The following TBC1D2 variants were observed in gnomAD, a reference collection of about 807,000 sequenced individuals.
The protein encoded by TBC1D2 is TBC1 domain family member 2.
In TBC1D2, 58 loss-of-function variants were observed where a neutral mutation model predicts 91.1. The ratio of observed to expected loss-of-function variants is 0.64; its 90% CI spans 0.52 to 0.79. TBC1D2 has a LOEUF of 0.79. Ranked by LOEUF, TBC1D2 falls within the 30% of genes least tolerant of loss-of-function variation. The probability of loss-of-function intolerance (pLI) is 0.00; values close to 1 mark genes in which losing one functional copy is unlikely to be tolerated. For missense variants in TBC1D2, 1,080 were observed against 1,208.3 expected, an observed-to-expected ratio of 0.89 and a Z score of 1.57; for synonymous variants, 482 against 511.5, an observed-to-expected ratio of 0.94 and a Z score of 0.78.
In TBC1D2 at chr9:98,212,588, G is replaced by A. The variant is rs879927691; in HGVS notation, c.1485+520C>T. ...GCAATCTCGGCTCACTGCAAGCTCC[G>A]CCTCCCAGGTTCACGCCATTCTCCT... On this transcript the variant is annotated intron_variant, in intron 7 of 12. Coordinates refer to ENST00000465784, the MANE Select transcript of TBC1D2 (RefSeq NM_001267571.2). 6.3e-4 allele frequency among the ~76,000 whole-genome samples: 96 copies of A among 151,496 alleles called. 1 individual carries two copies. The highest frequency in any genetic ancestry group is 6.8e-3 in the Middle Eastern group (2 of 294).
intron 2 of TBC1D2, among the ~76,000 whole-genome samples, chr9:98,247,363 A>C (rs1017320415): frequency 1.2e-4 from 11 of 94,208 alleles, no homozygotes; most frequent in Admixed American, 9.9e-4. Flanking sequence ...ACAAACAAAC[A>C]AAAAAAAAAA....
At chr9:98,246,888 G>C (rs1034955684) in intron 2 of TBC1D2, among the ~76,000 whole-genome samples, 1 of 152,114 alleles carries the variant, frequency 6.6e-6, no homozygotes, top group Admixed American at 6.6e-5. Flanking sequence ...GTAAGTGGTT[G>C]GATCTCATCA....
intron 3 of TBC1D2, among the ~76,000 whole-genome samples, chr9:98,243,060 A>G (rs1007974378): frequency 2.0e-5 from 3 of 151,714 alleles, no homozygotes; most frequent in Non-Finnish European, 2.9e-5. Flanking sequence ...AATTACAGGC[A>G]TGAACCACGA....
At chr9:98,252,033 GAA>G (rs140182714) in intron 1 of TBC1D2, 107 bp from the exon 2 acceptor site, 24 of 1,247,732 alleles carry the variant, frequency 1.9e-5, no homozygotes, top group Admixed American at 5.9e-5. Context: ...TCTTTCCCAG[GAA>G]AAAAAAAAGG....
intron 3 of TBC1D2, chr9:98,235,564 C>G (rs561209526): frequency 1.3e-4 from 61 of 456,762 alleles, no homozygotes; most frequent in Non-Finnish European, 2.5e-4. Flanking sequence ...AATCTAGAAG[C>G]TGAAGCATCT....
intron 8 of TBC1D2, 129 bp downstream of exon 8, chr9:98,210,527 T>C: frequency 3.4e-6 from 3 of 887,550 alleles, no homozygotes; most frequent in Non-Finnish European, 3.3e-6. Context: ...CGCACACTAA[T>C]GCATGTGAAG....
intron 3 of TBC1D2, among the ~76,000 whole-genome samples, chr9:98,236,926 C>G (rs1588057042): frequency 7.4e-6 from 1 of 135,328 alleles, no homozygotes; most frequent in Admixed American, 7.4e-5. Context: ...ATCATTACTT[C>G]CATTTTTTTT....
In TBC1D2 at chr9:98,213,156, T is replaced by G; in HGVS notation, c.1437A>C (p.Thr479=). The G allele has an allele frequency of 6.2e-7, 1 of 1,614,180 alleles. No individual in the cohort carries two copies. The highest frequency in any genetic ancestry group is 2.2e-5 in the East Asian group (1 of 44,890). The part of the protein sequence containing the change: ...CFLNSEIHQV[T]KIWRKVAEKE... ...TCTCAGCCACCTTTCTCCAGATCTT[T>G]GTGACCTGGTGGATCTCGGAGTTGA... Residue 479 remains threonine (T), a synonymous_variant, in exon 7 of 13, where the codon ACA becomes ACC. Coordinates refer to ENST00000465784, the MANE Select transcript of TBC1D2 (RefSeq NM_001267571.2).
At chr9:98,241,369 C>T (rs1042963621) in intron 3 of TBC1D2, among the ~76,000 whole-genome samples, 7 of 152,190 alleles carry the variant, frequency 4.6e-5, no homozygotes, top group African/African-American at 1.4e-4. Flanking sequence ...CTACCCCCTT[C>T]CCTGAGTATG....
In TBC1D2 at chr9:98,233,627, T is replaced by C. The variant is rs554302001; in HGVS notation, c.648-78A>G. 16 of 1,568,928 alleles carry C rather than the reference T, an allele frequency of 1.0e-5. No individual in the cohort carries two copies. In the East Asian group the frequency reaches 3.2e-4, roughly 31 times the overall value. On this transcript the variant is annotated intron_variant, in intron 3 of 12. Coordinates refer to ENST00000465784, the MANE Select transcript of TBC1D2 (RefSeq NM_001267571.2). ...CTTCTGTCCTTCCCGCCACCACTGC[T>C]GGAGCTCAGGTCTCATCCCCACACC...
chr9:98,200,200 T>A, intron 12 of TBC1D2, 53 bp downstream of exon 12: 1 of 1,606,676 alleles, frequency 6.2e-7, no homozygotes. Context: ...CTCTGCTATG[T>A]GTCCTTGGGG....
chr9:98,244,215 G>A lies in TBC1D2; in HGVS notation c.512-86C>T, dbSNP rs139428688. 2.8e-4 allele frequency: 430 copies of A among 1,547,588 alleles called. 3 individuals are homozygous for A. The African/African-American group carries it at 4.7e-3, about 17-fold the overall frequency. Reference sequence around the variant, plus strand: ...GGTGGGATGCTATGGGTGCAGCCCTGACTGGGAACAGGCTGGAGTTGGAGA... The same window carrying A: ...GGTGGGATGCTATGGGTGCAGCCCTAACTGGGAACAGGCTGGAGTTGGAGA... On this transcript the variant is annotated intron_variant, in intron 2 of 12. Transcript: ENST00000465784.
chr9:98,244,262 T>G (rs1829716248), intron 2 of TBC1D2, 133 bp from the exon 3 acceptor site: 2 of 1,173,230 alleles, frequency 1.7e-6, no homozygotes, highest in East Asian at 2.5e-5. Context: ...AAGCAGGCCC[T>G]CCCTGTAGGT....
At position 98,200,298 on chromosome 9, in the gene TBC1D2, A is replaced by T. The variant is rs761831541; in HGVS notation, c.2534T>A (p.Ile845Asn). Residue 845 changes from isoleucine (I) to asparagine (N), a missense_variant, in exon 12 of 13, where the codon ATC (isoleucine) becomes AAC (asparagine). Coordinates refer to ENST00000465784, the MANE Select transcript of TBC1D2 (RefSeq NM_001267571.2). ...GGTGAAGAAGCGCAGGTACTGGTAG[A>T]TTTCCAGGCCATTCTGTAGCCTCAA... ...EILRLQNGLE[I>N]YQYLRFFTKT... 1.9e-6 allele frequency: 3 copies of T among 1,612,990 alleles called. No homozygotes were observed. Among genetic ancestry groups the T allele is most frequent in the South Asian group, 1.1e-5 (1 of 91,026 alleles).
intron 5 of TBC1D2, among the ~76,000 whole-genome samples, chr9:98,226,031 G>T (rs373810014): frequency 3.9e-5 from 6 of 152,308 alleles, no homozygotes; most frequent in East Asian, 3.9e-4. Flanking sequence ...CATCTTCCCA[G>T]CTGATGAATG....
intron 2 of TBC1D2, among the ~76,000 whole-genome samples, chr9:98,246,600 G>T (rs1342879814): frequency 6.6e-6 from 1 of 152,104 alleles, no homozygotes; most frequent in Non-Finnish European, 1.5e-5. Flanking sequence ...CAGGGAAGGG[G>T]AAAAAGTGCA....
intron 3 of TBC1D2, 136 bp from the exon 4 acceptor site, chr9:98,233,685 C>A: frequency 2.9e-6 from 4 of 1,360,646 alleles, no homozygotes; most frequent in Non-Finnish European, 4.0e-6. Context: ...AGACTCCAGG[C>A]ACCCTACATG....
chr9:98,253,607 T>C (rs530494750), intron 1 of TBC1D2, among the ~76,000 whole-genome samples: 2 of 152,326 alleles, frequency 1.3e-5, no homozygotes, highest in Admixed American at 6.5e-5. Flanking sequence ...GGCTGTATCA[T>C]GGTTTCCTAA....
chr9:98,235,529 C>A, intron 3 of TBC1D2: 2 of 453,942 alleles, frequency 4.4e-6, no homozygotes, highest in South Asian at 3.4e-5. Flanking sequence ...AGGTATCACA[C>A]TTCAATGATT....
Sources: allele counts gnomAD v4.1 joint callset (sites outside exome capture counted in the v4.1 genomes callset), GRCh38; gene constraint gnomAD v4.1.1; transcripts MANE v1.5; gene names NCBI Gene and HGNC (gene_info 2026-07-23, HGNC 2026-07-21).